The following BICDL1 variants were observed in gnomAD, a reference collection of about 807,000 sequenced individuals.
BICDL1 encodes the protein BICD family like cargo adaptor 1.
A neutral mutation model predicts 76.8 loss-of-function variants in BICDL1; 20 were observed. The ratio of observed to expected loss-of-function variants is 0.26; its 90% CI spans 0.18 to 0.38. The LOEUF is 0.38. BICDL1 is among the 10% of genes least tolerant of loss of function. The pLI, the probability that BICDL1 is intolerant of heterozygous loss-of-function variation, is 1.00. For missense variants in BICDL1, 700 were observed against 798.6 expected, an observed-to-expected ratio of 0.88 and a Z score of 1.49; for synonymous variants, 383 against 337.1, an observed-to-expected ratio of 1.14 and a Z score of -1.49.
At chr12:120,034,703 T>C (rs1952496946) in intron 2 of BICDL1, among the ~76,000 whole-genome samples, 1 of 152,146 alleles carries the variant, frequency 6.6e-6, no homozygotes, top group Non-Finnish European at 1.5e-5. Context: ...CAGGTTCTCA[T>C]CTGGAGCTCC....
At chr12:119,995,422 G>GC (rs1951622109) in intron 1 of BICDL1, among the ~76,000 whole-genome samples, 1 of 152,174 alleles carries the variant, frequency 6.6e-6, no homozygotes, top group Non-Finnish European at 1.5e-5. Flanking sequence ...CCTCAGCCCT[G>GC]CCCCCAAGTG....
At chr12:120,091,702 C>T in intron 9 of BICDL1, 1 of 985,230 alleles carries the variant, frequency 1.0e-6, no homozygotes, top group Non-Finnish European at 1.2e-6. Flanking sequence ...CGTGAGGGGT[C>T]CACACTCACT....
At position 120,001,565 on chromosome 12, in the gene BICDL1, T is replaced by C. The variant is rs142003822; in HGVS notation, c.645+2829T>C. ...CTGGCCAAAGGCCGTACTTTTCTTA[T>C]AGTGTTTAAAATGTGTTTTTATAAG... On this transcript the variant is annotated intron_variant, in intron 2 of 9. Transcript: ENST00000548673. 2.8e-3 allele frequency among the ~76,000 whole-genome samples: 425 copies of C among 152,308 alleles called. 4 individuals are homozygous for C. Among genetic ancestry groups the C allele is most frequent in the Middle Eastern group, 0.014 (4 of 294 alleles).
chr12:120,068,018 A>G (rs1391589387), intron 4 of BICDL1, among the ~76,000 whole-genome samples: 3 of 152,196 alleles, frequency 2.0e-5, no homozygotes, highest in Non-Finnish European at 4.4e-5. Context: ...CTTTAGGGCT[A>G]TTCCAGATCA....
intron 2 of BICDL1, among the ~76,000 whole-genome samples, chr12:120,048,532 GA>G (rs1269409528): frequency 3.3e-5 from 5 of 151,026 alleles, no homozygotes; most frequent in Non-Finnish European, 4.4e-5. Flanking sequence ...TCTGATGTGG[GA>G]AAAAAAAATT....
chr12:120,009,149 A>G (rs1185191), intron 2 of BICDL1, among the ~76,000 whole-genome samples: 1 of 152,000 alleles, frequency 6.6e-6, no homozygotes, highest in Non-Finnish European at 1.5e-5. Flanking sequence ...CACCACACCC[A>G]GCTAATTTTT....
At chr12:120,048,964 T>A (rs530082814) in intron 2 of BICDL1, among the ~76,000 whole-genome samples, 1 of 152,308 alleles carries the variant, frequency 6.6e-6, no homozygotes, top group African/African-American at 2.4e-5. Context: ...GATCCTTCAT[T>A]CAGTTCAGTT....
chr12:120,041,590 A>T (rs778214917), intron 2 of BICDL1, among the ~76,000 whole-genome samples: 5 of 152,186 alleles, frequency 3.3e-5, no homozygotes, highest in Non-Finnish European at 7.3e-5. Flanking sequence ...TAAGCGCTAC[A>T]GAGAAAAATT....
At chr12:120,019,675 CCT>C (rs1322590896) in intron 2 of BICDL1, among the ~76,000 whole-genome samples, 2 of 152,108 alleles carry the variant, frequency 1.3e-5, no homozygotes, top group African/African-American at 4.8e-5. Flanking sequence ...GCTTGGAACT[CCT>C]GGGCTCAACA....
chr12:120,093,098 G>A lies in BICDL1; in HGVS notation c.1803G>A (p.Gly601=). The A allele has an allele frequency of 6.2e-7, 1 of 1,613,370 alleles. No homozygotes were observed. The highest frequency in any genetic ancestry group is 8.5e-7 in the Non-Finnish European group (1 of 1,179,586). The change falls in exon 10 of 10, where the codon GGG becomes GGA. Residue 601 remains glycine, a synonymous_variant. Coordinates refer to ENST00000548673, the MANE Select transcript of BICDL1 (RefSeq NM_001367886.1). ...AAALCRGHSA[G]RGDEPSIAEG... is the part of the protein sequence containing the mutation. Reference sequence around the variant, plus strand: ...CCCTCTGCAGGGGCCACAGCGCTGGGCGGGGGGATGAGCCCAGCATCGCTG... The same window carrying A: ...CCCTCTGCAGGGGCCACAGCGCTGGACGGGGGGATGAGCCCAGCATCGCTG...
chr12:120,055,755 A>G (rs919348726), intron 2 of BICDL1, among the ~76,000 whole-genome samples: 1 of 152,246 alleles, frequency 6.6e-6, no homozygotes, highest in African/African-American at 2.4e-5. Flanking sequence ...GTATCTAAAG[A>G]TTAAAACATT....
At chr12:120,049,693 T>C (rs956392453) in intron 2 of BICDL1, among the ~76,000 whole-genome samples, 6 of 152,244 alleles carry the variant, frequency 3.9e-5, no homozygotes, top group Non-Finnish European at 5.9e-5. Context: ...CCATTCACTC[T>C]GTCCTTTCTG....
At chr12:120,053,436 G>C (rs189052001) in intron 2 of BICDL1, among the ~76,000 whole-genome samples, 1 of 152,084 alleles carries the variant, frequency 6.6e-6, no homozygotes, top group Admixed American at 6.5e-5. Context: ...CCTTTTCCCC[G>C]TTTGTTGATT....
At chr12:120,059,241 C>A (rs773124563) in intron 2 of BICDL1, among the ~76,000 whole-genome samples, 6 of 152,006 alleles carry the variant, frequency 3.9e-5, no homozygotes, top group Non-Finnish European at 5.9e-5. Flanking sequence ...ACTATAGGCA[C>A]GCACCACCAT....
In BICDL1 at chr12:119,989,944, C is replaced by A. The variant is rs1951478124; in HGVS notation, c.76C>A (p.Leu26Met). 6.8e-7 allele frequency: 1 copy of A among 1,468,370 alleles called. No homozygotes were observed. Among genetic ancestry groups the A allele is most frequent in the Non-Finnish European group, 8.9e-7 (1 of 1,124,340 alleles). 91.0% of individuals were successfully genotyped at this position (1,468,370 alleles called of 1,614,324 possible). A position where few individuals can be genotyped will look rare whatever the true frequency, so the allele number is the denominator to read the frequency against. ...GCCGGACAGCGCCTGCTGCATGGAG[C>A]TGCCCGCCGCGGCCGGGGACGCAGT... is the stretch of plus-strand genomic sequence containing the variant. ...AEPDSACCMELPAAAGDAVRS... is the reference protein window; with the variant it reads ...AEPDSACCMEMPAAAGDAVRS... The change falls in exon 1 of 10, where the codon CTG becomes ATG. Residue 26 changes from leucine to methionine, a missense_variant. Around this residue, in one of 3 missense-constraint regions of BICDL1, gnomAD observed 225 missense variants for 199.6 expected, o/e 1.13. Coordinates refer to ENST00000548673, the MANE Select transcript of BICDL1 (RefSeq NM_001367886.1).
chr12:120,093,006 A>C lies in BICDL1; in HGVS notation c.1711A>C (p.Met571Leu), dbSNP rs1875114128. 2 of 1,560,812 alleles carry C rather than the reference A, an allele frequency of 1.3e-6. No individual in the cohort carries two copies. The highest frequency in any genetic ancestry group is 2.4e-5 in the South Asian group (2 of 82,974). Residue 571 changes from methionine to leucine, a missense_variant, in exon 10 of 10, where the codon ATG (methionine) becomes CTG (leucine). By Grantham distance (15) the Met-to-Leu change is conservative (BLOSUM62 2). Coordinates refer to ENST00000548673, the MANE Select transcript of BICDL1 (RefSeq NM_001367886.1). ...SQQLEAWQDD[M>L]HRVIDRQLMD... ...TGTCCCCTCCCCTCTGCAGGATGAC[A>C]TGCACAGGGTCATTGACCGGCAGCT...
At chr12:120,048,066 AT>A (rs1344162827) in intron 2 of BICDL1, among the ~76,000 whole-genome samples, 1 of 152,116 alleles carries the variant, frequency 6.6e-6, no homozygotes, top group East Asian at 1.9e-4. Flanking sequence ...TGTTATGATT[AT>A]TATATCACTC....
At chr12:120,080,218 C>T (rs1265665139) in intron 7 of BICDL1, among the ~76,000 whole-genome samples, 1 of 152,234 alleles carries the variant, frequency 6.6e-6, no homozygotes, top group Non-Finnish European at 1.5e-5. Flanking sequence ...TGGAGGGGTG[C>T]CTCACTGCCA....
In BICDL1 at chr12:120,026,146, T is replaced by C. The variant is rs1952296890; in HGVS notation, c.645+27410T>C. On this transcript the variant is annotated intron_variant, in intron 2 of 9. Transcript: ENST00000548673. ...AACCACCGTGCCCGACGCACATTTA[T>C]TTATTTAGAGTTTCATATTGAAGTA... 2.0e-5 allele frequency among the ~76,000 whole-genome samples: 3 copies of C among 152,182 alleles called. No homozygotes were observed. In the South Asian group the frequency reaches 6.2e-4, roughly 32 times the overall value.
Sources: allele counts gnomAD v4.1 joint callset (sites outside exome capture counted in the v4.1 genomes callset), GRCh38; gene constraint gnomAD v4.1.1; regional missense constraint gnomAD v4.1.1; transcripts MANE v1.5; gene names NCBI Gene and HGNC (gene_info 2026-07-23, HGNC 2026-07-21).